The following SH3KBP1 variants were observed in gnomAD, a reference collection of about 807,000 sequenced individuals.
The protein encoded by SH3KBP1 is SH3 domain-containing kinase-binding protein 1.
A neutral mutation model predicts 50.1 loss-of-function variants in SH3KBP1; 8 were observed. That is an observed-to-expected ratio of 0.16 (90% CI 0.09 to 0.29). SH3KBP1 has a LOEUF of 0.29. SH3KBP1 is among the 10% of genes least tolerant of loss of function. The probability of loss-of-function intolerance (pLI) is 1.00; values close to 1 mark genes in which losing one functional copy is unlikely to be tolerated. For synonymous variants in SH3KBP1, 227 were observed against 218.6 expected (o/e 1.04, Z -0.34); for missense variants, 377 against 535.2 (o/e 0.70, Z 2.92).
chrX:19,781,584 C>T (rs1389832488), intron 2 of SH3KBP1, among the ~76,000 whole-genome samples: 1 of 106,444 alleles, frequency 9.4e-6, no homozygotes, highest in Non-Finnish European at 1.9e-5. Flanking sequence ...TACCACTGTA[C>T]TCTAGTCTGG....
At position 19,536,201 on chromosome X, in the gene SH3KBP1, G is replaced by C. The variant is rs2064703158; in HGVS notation, c.*216C>G. ...TTTAGCACAATTTTGCTCTGTGTAA[G>C]TCACAACGAGTGCCAGCCCCAGGAC... On this transcript the variant is annotated 3_prime_UTR_variant, in exon 18 of 18. Coordinates refer to ENST00000397821, the MANE Select transcript of SH3KBP1 (RefSeq NM_031892.3). 1 of 326,032 alleles carries C rather than the reference G, an allele frequency of 3.1e-6. No homozygotes were observed. The allele number at this position is 326,032 out of a possible 1,213,427, so 26.9% of individuals were successfully genotyped here.
rs138453824 is a variant in SH3KBP1 at position 19,542,043 on chromosome X, C to T, written c.1774G>A (p.Gly592Ser). 234 of 1,210,270 alleles carry T rather than the reference C, an allele frequency of 1.9e-4. 1 individual carries two copies. Among genetic ancestry groups the T allele is most frequent in the South Asian group, 1.6e-3 (93 of 56,788 alleles). The change falls in exon 16 of 18, where the codon GGC (glycine) becomes AGC (serine). Residue 592 changes from glycine (G) to serine (S), a missense_variant. Gly to Ser is a moderately conservative substitution (Grantham distance 56, BLOSUM62 0). This residue lies in a region of SH3KBP1 where 110 missense variants were observed against 124.1 expected (regional missense o/e 0.89). Coordinates refer to ENST00000397821, the MANE Select transcript of SH3KBP1 (RefSeq NM_031892.3). ...TCCATCTTTGGTTTTCCTTCCGTGC[C>T]GAACAGAGACGGGGAGTTGGCTCTG... Reference protein sequence around the residue: ...GHRANSPSLFGTEGKPKMEPA... With the variant: ...GHRANSPSLFSTEGKPKMEPA...
rs916750149 is a variant in SH3KBP1, at chrX:19,680,829, A to C, written c.726+2994T>G. 3.6e-5 allele frequency among the ~76,000 whole-genome samples: 4 copies of C among 111,843 alleles called. No homozygotes were observed. The South Asian group carries it at 1.5e-3, about 42-fold the overall frequency. On this transcript the variant is annotated intron_variant, in intron 6 of 17. Coordinates refer to ENST00000397821, the MANE Select transcript of SH3KBP1 (RefSeq NM_031892.3). ...TCAAATCCTCTTAGATGTTGTAAAA[A>C]TTGTCCACACCCAGAAAGCAGGCTA...
At chrX:19,752,281 C>T (rs1254966349) in intron 2 of SH3KBP1, among the ~76,000 whole-genome samples, 2 of 112,087 alleles carry the variant, frequency 1.8e-5, no homozygotes, top group Non-Finnish European at 3.8e-5. Flanking sequence ...CTCTATGCAG[C>T]CCTTCTGTCA....
intron 12 of SH3KBP1, among the ~76,000 whole-genome samples, chrX:19,572,473 T>C (rs1488097155): frequency 9.4e-6 from 1 of 106,622 alleles, no homozygotes; most frequent in African/African-American, 3.4e-5. Flanking sequence ...ATATATACTA[T>C]ATATAGTACA....
chrX:19,599,933 G>T (rs1423270151), intron 9 of SH3KBP1, among the ~76,000 whole-genome samples: 1 of 108,582 alleles, frequency 9.2e-6, no homozygotes, highest in Non-Finnish European at 1.9e-5. Flanking sequence ...AGATCACGAG[G>T]TCAGGAGATC....
intron 4 of SH3KBP1, among the ~76,000 whole-genome samples, chrX:19,705,400 C>G (rs191162680): frequency 2.9e-4 from 32 of 111,727 alleles, no homozygotes; most frequent in African/African-American, 9.8e-4. Context: ...TTTATTTTTT[C>G]TTCTGGAATT....
chrX:19,883,597 G>A (rs528981240), intron 1 of SH3KBP1, among the ~76,000 whole-genome samples: 1 of 111,638 alleles, frequency 9.0e-6, no homozygotes, highest in Admixed American at 9.5e-5. Context: ...GAGCTGGCCA[G>A]GCACCCACAG....
intron 7 of SH3KBP1, among the ~76,000 whole-genome samples, chrX:19,642,533 A>G (rs1307506778): frequency 8.9e-6 from 1 of 112,025 alleles, no homozygotes; most frequent in Non-Finnish European, 1.9e-5. Flanking sequence ...TTTTCCCCCC[A>G]ACCCACCTGT....
At chrX:19,625,542 G>T (rs2067990778) in intron 8 of SH3KBP1, among the ~76,000 whole-genome samples, 1 of 111,614 alleles carries the variant, frequency 9.0e-6, no homozygotes, top group African/African-American at 3.3e-5. Flanking sequence ...TTTAGAGGTG[G>T]CAGTGGACTC....
chrX:19,761,289 G>A (rs1412492977), intron 2 of SH3KBP1, among the ~76,000 whole-genome samples: 3 of 87,438 alleles, frequency 3.4e-5, no homozygotes, highest in African/African-American at 1.3e-4. Context: ...GTAGGGGAGA[G>A]AGAAAGAGAG....
At chrX:19,821,113 G>A (rs770329964) in intron 2 of SH3KBP1, among the ~76,000 whole-genome samples, 15 of 111,879 alleles carry the variant, frequency 1.3e-4, no homozygotes, top group East Asian at 8.4e-4. Context: ...GATACAAGCC[G>A]GGCACAGTGG....
intron 13 of SH3KBP1, among the ~76,000 whole-genome samples, chrX:19,556,721 T>C (rs954701487): frequency 5.4e-5 from 6 of 110,797 alleles, no homozygotes; most frequent in African/African-American, 2.0e-4. Context: ...CAGTCTGGAG[T>C]GCATGCAGTG....
chrX:19,608,306 C>CTTTTTTTTTT (rs57794070), intron 8 of SH3KBP1, among the ~76,000 whole-genome samples: 2 of 87,292 alleles, frequency 2.3e-5, no homozygotes, highest in Admixed American at 1.2e-4. Context: ...TTCTTTCTTT[C>CTTTTTTTTTT]TTTTTTTTTT....
At chrX:19,852,636 GAA>G (rs760707711) in intron 1 of SH3KBP1, among the ~76,000 whole-genome samples, 35 of 51,929 alleles carry the variant, frequency 6.7e-4, no homozygotes, top group African/African-American at 2.3e-3. Context: ...TAGCTGCACA[GAA>G]AAAAAAAAAA....
chrX:19,823,861 G>T (rs1289695292), intron 2 of SH3KBP1, among the ~76,000 whole-genome samples: 1 of 111,680 alleles, frequency 9.0e-6, no homozygotes. Context: ...TCACTCTGTT[G>T]CCCAGGCTGG....
intron 2 of SH3KBP1, among the ~76,000 whole-genome samples, chrX:19,764,009 T>G (rs1264985224): frequency 1.1e-5 from 1 of 89,241 alleles, no homozygotes; most frequent in Non-Finnish European, 2.2e-5. Flanking sequence ...AGCAAGACTC[T>G]GTCTCAAAAA....
chrX:19,837,339 T>C (rs1263789226), intron 1 of SH3KBP1, among the ~76,000 whole-genome samples: 1 of 112,033 alleles, frequency 8.9e-6, no homozygotes, highest in Non-Finnish European at 1.9e-5. Flanking sequence ...GTGGGTCTTC[T>C]CACTGACAAA....
intron 1 of SH3KBP1, among the ~76,000 whole-genome samples, chrX:19,882,389 T>G (rs771245060): frequency 9.0e-6 from 1 of 111,053 alleles, no homozygotes; most frequent in South Asian, 3.8e-4. Flanking sequence ...GTGGACCCAA[T>G]GTCATCACAG....
Sources: gnomAD v4.1 joint callset for allele counts (sites outside exome capture counted in the v4.1 genomes callset) on GRCh38, gnomAD v4.1.1 for gene constraint, gnomAD v4.1.1 regional missense constraint, MANE v1.5 for transcripts, NCBI Gene and HGNC (gene_info 2026-07-23, HGNC 2026-07-21) for gene names.